FHIT: variants seen among roughly 807,000 people sequenced by gnomAD.
FHIT encodes the protein fragile histidine triad diadenosine triphosphatase.
Under a neutral mutation model 17.9 loss-of-function variants are expected in FHIT, and 19 were observed. That is an observed-to-expected ratio of 1.06 (90% CI 0.74 to 1.56). FHIT has a LOEUF of 1.56. Among genes scored for constraint, FHIT ranks in the 40% most tolerant of loss-of-function variants. The pLI, the probability that FHIT is intolerant of heterozygous loss-of-function variation, is 0.00. For synonymous variants in FHIT, 81 were observed against 69.7 expected (o/e 1.16, Z -0.81); for missense variants, 248 against 189.2 (o/e 1.31, Z -1.82).
chr3:60,943,345 C>A (rs1403842215), intron 3 of FHIT, among the ~76,000 whole-genome samples: 1 of 152,050 alleles, frequency 6.6e-6, no homozygotes, highest in African/African-American at 2.4e-5. Context: ...GTTCTTTTAT[C>A]ATTAAATAAT....
chr3:60,080,976 A>G (rs879505966), intron 5 of FHIT: 16 of 152,160 alleles, frequency 1.1e-4, no homozygotes, highest in Admixed American at 7.9e-4. Flanking sequence ...ATGTACCTCT[A>G]GACATGGGAG....
intron 8 of FHIT, among the ~76,000 whole-genome samples, chr3:59,858,743 T>G (rs1427520670): frequency 6.6e-6 from 1 of 152,076 alleles, no homozygotes; most frequent in East Asian, 1.9e-4. Flanking sequence ...CAGTGAAGGC[T>G]AATATTGAAC....
chr3:60,321,881 T>C (rs1281651090), intron 5 of FHIT, among the ~76,000 whole-genome samples: 9 of 152,182 alleles, frequency 5.9e-5, no homozygotes, highest in Admixed American at 4.6e-4. Context: ...CCCTCCAACC[T>C]CCTTTAAGAG....
chr3:60,609,322 CT>C (rs1559578660), intron 4 of FHIT, among the ~76,000 whole-genome samples: 1 of 137,714 alleles, frequency 7.3e-6, no homozygotes, highest in Admixed American at 7.3e-5. Flanking sequence ...CTTTTGCTTC[CT>C]TTTTTATTTA....
intron 7 of FHIT, among the ~76,000 whole-genome samples, chr3:59,957,161 T>C (rs1241416040): frequency 1.3e-5 from 2 of 152,188 alleles, no homozygotes; most frequent in African/African-American, 4.8e-5. Flanking sequence ...GTGACTTTAA[T>C]TGGAGGCAGG....
At chr3:59,954,551 T>C (rs1707299358) in intron 7 of FHIT, among the ~76,000 whole-genome samples, 1 of 152,078 alleles carries the variant, frequency 6.6e-6, no homozygotes, top group Non-Finnish European at 1.5e-5. Flanking sequence ...AAATCTGCAA[T>C]TCGAAACTCA....
At chr3:60,890,635 A>G (rs1250606790) in intron 3 of FHIT, among the ~76,000 whole-genome samples, 1 of 152,210 alleles carries the variant, frequency 6.6e-6, no homozygotes, top group Non-Finnish European at 1.5e-5. Flanking sequence ...TCCCTCTTAT[A>G]TGACTAGAAT....
chr3:59,802,733 C>A (rs751445881), intron 8 of FHIT, among the ~76,000 whole-genome samples: 1 of 152,178 alleles, frequency 6.6e-6, no homozygotes, highest in African/African-American at 2.4e-5. Flanking sequence ...CACATGGACA[C>A]GCGTGACAAT....
intron 5 of FHIT, among the ~76,000 whole-genome samples, chr3:60,050,241 CTTTG>C (rs1484164591): frequency 1.3e-5 from 2 of 152,118 alleles, no homozygotes; most frequent in African/African-American, 4.8e-5. Context: ...TTAGCTTGTA[CTTTG>C]TTCATTTTTC....
chr3:60,036,460 T>C (rs1045765001), intron 5 of FHIT, among the ~76,000 whole-genome samples: 4 of 152,216 alleles, frequency 2.6e-5, no homozygotes, highest in African/African-American at 9.6e-5. Flanking sequence ...AACAAGGCTG[T>C]CTGTATAATG....
At chr3:61,203,896 T>C (rs1576207364) in intron 1 of FHIT, among the ~76,000 whole-genome samples, 1 of 152,240 alleles carries the variant, frequency 6.6e-6, no homozygotes, top group East Asian at 1.9e-4. Flanking sequence ...TTGTACAATG[T>C]TTACATTCTA....
At chr3:60,544,819 A>T (rs576843395) in intron 4 of FHIT, among the ~76,000 whole-genome samples, 1 of 150,934 alleles carries the variant, frequency 6.6e-6, no homozygotes, top group African/African-American at 2.4e-5. Flanking sequence ...CTGGTCTCGA[A>T]CTCCTAACCT....
intron 5 of FHIT, among the ~76,000 whole-genome samples, chr3:60,495,227 T>C (rs1423286494): frequency 6.6e-6 from 1 of 151,700 alleles, no homozygotes; most frequent in African/African-American, 2.4e-5. Flanking sequence ...TGATGAAGGA[T>C]GTTGAGCACC....
intron 5 of FHIT, among the ~76,000 whole-genome samples, chr3:60,513,112 G>A (rs2035011507): frequency 6.6e-6 from 1 of 152,170 alleles, no homozygotes; most frequent in African/African-American, 2.4e-5. Flanking sequence ...TTATTTAGGA[G>A]TAAAGCATCC....
chr3:60,640,337 G>A (rs975304956), intron 4 of FHIT, among the ~76,000 whole-genome samples: 2 of 151,888 alleles, frequency 1.3e-5, no homozygotes, highest in Non-Finnish European at 2.9e-5. Flanking sequence ...CCCAAAGACA[G>A]ATCAAAAAGA....
At chr3:60,621,010 TA>T (rs1304424013) in intron 4 of FHIT, among the ~76,000 whole-genome samples, 1 of 152,222 alleles carries the variant, frequency 6.6e-6, no homozygotes, top group Non-Finnish European at 1.5e-5. Flanking sequence ...AATAGCCTTA[TA>T]AAAAATGTCA....
At chr3:60,275,319 C>A (rs773716019) in intron 5 of FHIT, among the ~76,000 whole-genome samples, 2 of 152,042 alleles carry the variant, frequency 1.3e-5, no homozygotes, top group Non-Finnish European at 2.9e-5. Context: ...CCTCTCTGTG[C>A]CACAAACACA....
chr3:61,099,383 T>G (rs1336584136), intron 2 of FHIT, among the ~76,000 whole-genome samples: 1 of 152,128 alleles, frequency 6.6e-6, no homozygotes, highest in Non-Finnish European at 1.5e-5. Flanking sequence ...GCAGTTTTTT[T>G]TTGTTGTATC....
chr3:60,061,222 C>T (rs1285183871), intron 5 of FHIT, among the ~76,000 whole-genome samples: 3 of 152,172 alleles, frequency 2.0e-5, no homozygotes, highest in African/African-American at 7.2e-5. Context: ...AGAGCAGATC[C>T]ATAGGTGCCA....
Sources: gnomAD v4.1 joint callset for allele counts (sites outside exome capture counted in the v4.1 genomes callset) on GRCh38, gnomAD v4.1.1 for gene constraint, MANE v1.5 for transcripts, NCBI Gene and HGNC (gene_info 2026-07-23, HGNC 2026-07-21) for gene names.